NFATC3: variants seen among roughly 807,000 people sequenced by gnomAD.
NFATC3 encodes nuclear factor of activated T cells 3.
NFATC3 carries 46 observed loss-of-function variants against 98.6 expected under a neutral mutation model. The ratio of observed to expected loss-of-function variants is 0.47; its 90% CI spans 0.37 to 0.60. The LOEUF is 0.60. Ranked by LOEUF, NFATC3 falls within the 20% of genes least tolerant of loss-of-function variation. NFATC3 has a pLI of 0.00. For missense variants in NFATC3, 1,256 were observed against 1,295.5 expected (o/e 0.97, Z 0.47); for synonymous variants, 512 against 472.2 (o/e 1.08, Z -1.09).
chr16:68,186,397 G>A (rs924194993), intron 8 of NFATC3, among the ~76,000 whole-genome samples: 25 of 151,982 alleles, frequency 1.6e-4, no homozygotes, highest in African/African-American at 5.1e-4. Flanking sequence ...AAAATGAGCC[G>A]GGCGTGGTGT....
chr16:68,203,491 G>C lies in NFATC3; in HGVS notation c.3106+11716G>C, dbSNP rs148448152. On this transcript the variant is annotated intron_variant, in intron 9 of 9. Coordinates refer to ENST00000346183, the MANE Select transcript of NFATC3 (RefSeq NM_173165.3). ...TATAAAAAATACCAGAATTAGGCCG[G>C]GTGTGGTGGCGTGTGCCTATAGTCC... Among the ~76,000 whole-genome samples, 277 of 152,164 alleles carry C rather than the reference G, an allele frequency of 1.8e-3. 4 individuals carry two copies. The highest frequency in any genetic ancestry group is 6.3e-3 in the African/African-American group (261 of 41,532).
chr16:68,098,297 ATTAT>A lies in NFATC3; in HGVS notation c.103+12516_103+12519del, dbSNP rs1325345768. 4.1e-3 allele frequency among the ~76,000 whole-genome samples: 414 copies of A among 101,432 alleles called. 2 individuals are homozygous for A. Among genetic ancestry groups the A allele is most frequent in the South Asian group, 0.034 (111 of 3,280 alleles). 66.5% of individuals were successfully genotyped at this position (101,432 alleles called of 152,430 possible). ...TATTATTATTATTATTATTATTATT[ATTAT>A]TTTTTTTTTTTTTTTTTTAGATGGA... On this transcript the variant is annotated intron_variant, in intron 1 of 9. Transcript: ENST00000346183.
rs533122012 is a variant in NFATC3 at position 68,163,646 on chromosome 16, G to A, written c.1602-3197G>A. Among the ~76,000 whole-genome samples, 181 of 151,418 alleles carry A rather than the reference G, an allele frequency of 1.2e-3. 2 individuals carry two copies. The Middle Eastern group carries it at 0.031, about 26-fold the overall frequency. ...CGGATGGGCTCCTCACTTCTCAGAC[G>A]GGGCAGCTGCCGGGCGGAGGGTCTC... On this transcript the variant is annotated intron_variant, in intron 4 of 9. Transcript: ENST00000346183.
chr16:68,202,767 G>T (rs369213256), intron 9 of NFATC3, among the ~76,000 whole-genome samples: 2 of 151,992 alleles, frequency 1.3e-5, no homozygotes, highest in East Asian at 3.8e-4. Context: ...AGCCGAGATC[G>T]TGCCATTGCA....
chr16:68,204,033 C>CA (rs1438120357), intron 9 of NFATC3, among the ~76,000 whole-genome samples: 1 of 152,094 alleles, frequency 6.6e-6, no homozygotes, highest in Non-Finnish European at 1.5e-5. Flanking sequence ...ACTGAAAATA[C>CA]AAAAATAAGC....
chr16:68,226,919 A>AAAAAAAAAAAG lies in NFATC3; in HGVS notation c.*452_*453insAAAAAAGAAAA, dbSNP rs2042050363. ...AAGCAAAAAAAAAAAAAAAAAAAAA[A>AAAAAAAAAAAG]AAAAGAAAAAAAAAGAAAAGAAAAA... On this transcript the variant is annotated 3_prime_UTR_variant, in exon 10 of 10. Coordinates refer to ENST00000346183, the MANE Select transcript of NFATC3 (RefSeq NM_173165.3). 1 of 118,134 alleles carries AAAAAAAAAAAG rather than the reference A, an allele frequency of 8.5e-6. No homozygotes were observed. The highest frequency in any genetic ancestry group is 2.6e-5 in the African/African-American group (1 of 37,952). The allele number at this position is 118,134 out of a possible 1,614,324, so 7.3% of individuals were successfully genotyped here. A position where few individuals can be genotyped will look rare whatever the true frequency, so the allele number is the denominator to read the frequency against.
intron 1 of NFATC3, among the ~76,000 whole-genome samples, chr16:68,114,986 T>C (rs1026605765): frequency 1.3e-5 from 2 of 152,252 alleles, no homozygotes; most frequent in African/African-American, 4.8e-5. Flanking sequence ...GCTAATAGTC[T>C]TGTAAGTTTT....
chr16:68,198,310 C>T (rs1428946892), intron 9 of NFATC3, among the ~76,000 whole-genome samples: 6 of 151,872 alleles, frequency 4.0e-5, no homozygotes, highest in Admixed American at 2.0e-4. Context: ...AGAATGAGAC[C>T]CTTGTCTCAA....
chr16:68,179,977 C>T (rs1441557963), intron 6 of NFATC3, among the ~76,000 whole-genome samples: 2 of 152,128 alleles, frequency 1.3e-5, no homozygotes, highest in Non-Finnish European at 2.9e-5. Flanking sequence ...ATATGGTGCT[C>T]CCAAGAAAGC....
In NFATC3 at chr16:68,164,158, G is replaced by C. The variant is rs191442497; in HGVS notation, c.1602-2685G>C. Among the ~76,000 whole-genome samples the C allele has an allele frequency of 4.9e-3, 740 of 152,334 alleles. 18 individuals are homozygous for C. Among genetic ancestry groups the C allele is most frequent in the East Asian group, 0.041 (214 of 5,172 alleles). ...ACTCCGTCTGCAATCCCAGCACCTCGGGAGGCCGAGGCTGGCGGATCACTC... is the reference window on the plus strand; with the variant it reads ...ACTCCGTCTGCAATCCCAGCACCTCCGGAGGCCGAGGCTGGCGGATCACTC... On this transcript the variant is annotated intron_variant, in intron 4 of 9. Transcript: ENST00000346183.
At position 68,085,658 on chromosome 16, in the gene NFATC3, G is replaced by T; in HGVS notation, c.-24G>T. 1 of 1,492,884 alleles carries T rather than the reference G, an allele frequency of 6.7e-7. No individual in the cohort carries two copies. 92.5% of individuals were successfully genotyped at this position (1,492,884 alleles called of 1,614,324 possible). A position where few individuals can be genotyped will look rare whatever the true frequency, so the allele number is the denominator to read the frequency against. ...TGCCGCCGCCGCCGCCTGAGGAGGAGCTGCAGCACCCTGGGCCACGCCGAT... is the reference window on the plus strand; with the variant it reads ...TGCCGCCGCCGCCGCCTGAGGAGGATCTGCAGCACCCTGGGCCACGCCGAT... On this transcript the variant is annotated 5_prime_UTR_variant, in exon 1 of 10. Transcript: ENST00000346183.
chr16:68,156,454 A>G (rs1341204736), intron 3 of NFATC3, among the ~76,000 whole-genome samples: 1 of 152,254 alleles, frequency 6.6e-6, no homozygotes, highest in Admixed American at 6.5e-5. Flanking sequence ...AACCAAATCC[A>G]TCAGCACACT....
chr16:68,170,406 A>T (rs1235465062), intron 5 of NFATC3, among the ~76,000 whole-genome samples: 1 of 149,182 alleles, frequency 6.7e-6, no homozygotes, highest in African/African-American at 2.5e-5. Context: ...AAAAAAAAGC[A>T]CAAAATGGTA....
At chr16:68,106,388 C>A (rs1246410146) in intron 1 of NFATC3, among the ~76,000 whole-genome samples, 1 of 150,940 alleles carries the variant, frequency 6.6e-6, no homozygotes, top group Non-Finnish European at 1.5e-5. Context: ...ACCTCCTGGG[C>A]TCAAGTGATT....
At chr16:68,186,278 C>G (rs1272347659) in intron 8 of NFATC3, among the ~76,000 whole-genome samples, 4 of 151,394 alleles carry the variant, frequency 2.6e-5, no homozygotes, top group Non-Finnish European at 5.9e-5. Flanking sequence ...TGGCCAGGCG[C>G]TGTAGCTCAC....
chr16:68,189,921 G>T (rs897091753), intron 8 of NFATC3, among the ~76,000 whole-genome samples: 6 of 152,062 alleles, frequency 3.9e-5, no homozygotes, highest in Non-Finnish European at 7.3e-5. Flanking sequence ...CATGAGCATG[G>T]TGGCGCACGC....
chr16:68,213,417 A>AAAATAAAT (rs1190397240), intron 9 of NFATC3, among the ~76,000 whole-genome samples: 6 of 150,730 alleles, frequency 4.0e-5, no homozygotes, highest in African/African-American at 1.5e-4. Context: ...TCTGTCTCAA[A>AAAATAAAT]AAATAAATAA....
intron 3 of NFATC3, among the ~76,000 whole-genome samples, chr16:68,146,289 A>G (rs1312841773): frequency 1.3e-5 from 2 of 152,094 alleles, no homozygotes; most frequent in Non-Finnish European, 2.9e-5. Context: ...AGTTTTAGCC[A>G]GGTGTAGTGA....
At chr16:68,192,793 G>T (rs978630857) in intron 9 of NFATC3, among the ~76,000 whole-genome samples, 5 of 152,130 alleles carry the variant, frequency 3.3e-5, no homozygotes, top group African/African-American at 1.2e-4. Flanking sequence ...AGCTGGAGAG[G>T]TTGAGGCTGC....
Sources: gnomAD v4.1 joint callset for allele counts (sites outside exome capture counted in the v4.1 genomes callset) on GRCh38, gnomAD v4.1.1 for gene constraint, MANE v1.5 for transcripts, NCBI Gene and HGNC (gene_info 2026-07-23, HGNC 2026-07-21) for gene names.